Variants in KIF6 observed in about 807,000 individuals in gnomAD.
KIF6 encodes the protein kinesin-like protein KIF6.
In KIF6, 106 loss-of-function variants were observed where a neutral mutation model predicts 112.7. The ratio of observed to expected loss-of-function variants is 0.94; its 90% CI spans 0.80 to 1.11. The LOEUF (loss-of-function observed/expected upper bound fraction) is 1.11, where lower values mean the gene tolerates loss of function less well. Ranked by LOEUF, KIF6 falls within the 50% of genes least tolerant of loss-of-function variation. KIF6 has a pLI of 0.00. For missense variants in KIF6, 929 were observed against 964.0 expected (o/e 0.96, Z 0.48); for synonymous variants, 339 against 339.9 (o/e 1.00, Z 0.03).
At chr6:39,556,581 G>A (rs1176342317) in intron 10 of KIF6, among the ~76,000 whole-genome samples, 5 of 152,152 alleles carry the variant, frequency 3.3e-5, no homozygotes, top group African/African-American at 1.2e-4. Flanking sequence ...CAGCCCCTCT[G>A]ACCAGAACAG....
At chr6:39,548,267 G>C (rs1400588574) in intron 10 of KIF6, among the ~76,000 whole-genome samples, 2 of 152,210 alleles carry the variant, frequency 1.3e-5, no homozygotes, top group Admixed American at 1.3e-4. Flanking sequence ...CAAGCCTGCT[G>C]ATGAGCTGGA....
intron 10 of KIF6, among the ~76,000 whole-genome samples, chr6:39,575,314 A>T (rs1211014773): frequency 6.7e-6 from 1 of 149,278 alleles, no homozygotes; most frequent in Admixed American, 6.7e-5. Context: ...TCTGTTGCCC[A>T]GGCCGGAGTG....
At chr6:39,674,344 A>G (rs1409221300) in intron 3 of KIF6, among the ~76,000 whole-genome samples, 1 of 152,228 alleles carries the variant, frequency 6.6e-6, no homozygotes, top group East Asian at 1.9e-4. Flanking sequence ...TCAGTCGTGT[A>G]GAAGTTGATC....
intron 13 of KIF6, among the ~76,000 whole-genome samples, chr6:39,507,765 G>A (rs1282090148): frequency 2.8e-5 from 4 of 141,860 alleles, no homozygotes; most frequent in South Asian, 4.7e-4. Context: ...CTGGGTGTAC[G>A]TAACCTGGGG....
At chr6:39,367,529 T>C (rs1215165510) in intron 16 of KIF6, among the ~76,000 whole-genome samples, 3 of 152,190 alleles carry the variant, frequency 2.0e-5, no homozygotes, top group Non-Finnish European at 4.4e-5. Flanking sequence ...TAGGTCTGAA[T>C]GGCACACAGG....
At chr6:39,381,432 A>G (rs1308535159) in intron 16 of KIF6, among the ~76,000 whole-genome samples, 1 of 152,238 alleles carries the variant, frequency 6.6e-6, no homozygotes, top group Non-Finnish European at 1.5e-5. Context: ...GGGGCGTACC[A>G]CTGAGTCACT....
intron 5 of KIF6, among the ~76,000 whole-genome samples, chr6:39,631,599 C>A (rs1472887812): frequency 6.6e-6 from 1 of 151,984 alleles, no homozygotes; most frequent in Non-Finnish European, 1.5e-5. Context: ...TAGAATTAAT[C>A]TCACTTGGTC....
rs1778710344 is a variant in KIF6 at position 39,540,184 on chromosome 6, T to G, written c.1464A>C (p.Lys488Asn). Residue 488 changes from lysine to asparagine, a missense_variant, in exon 13 of 23, where the codon AAA (lysine) becomes AAC (asparagine). Around this residue, in one of 2 missense-constraint regions of KIF6, gnomAD observed 688 missense variants for 662.7 expected, o/e 1.04. Coordinates refer to ENST00000287152, the MANE Select transcript of KIF6 (RefSeq NM_145027.6). The stretch of plus-strand genomic sequence containing the variant: ...CAGCCAAGTGGAGAGCCTCCTGAGC[T>G]TTCTTCTTTTCTTTTTTTAACATGT... ...LVNMLKKEKK[K>N]AQEALHLAGM... The G allele has an allele frequency of 6.2e-7, 1 of 1,611,656 alleles. No homozygotes were observed.
chr6:39,425,898 G>A, intron 14 of KIF6, among the ~76,000 whole-genome samples: 1 of 151,988 alleles, frequency 6.6e-6, no homozygotes, highest in East Asian at 1.9e-4. Flanking sequence ...GGTGCCACAC[G>A]GTTTCTCTCC....
chr6:39,398,472 T>A (rs1241237087), intron 15 of KIF6, among the ~76,000 whole-genome samples: 1 of 152,192 alleles, frequency 6.6e-6, no homozygotes, highest in Non-Finnish European at 1.5e-5. Flanking sequence ...ATTTCCAGAA[T>A]AAGGAGCAGC....
intron 16 of KIF6, among the ~76,000 whole-genome samples, chr6:39,375,648 C>T (rs1476203542): frequency 6.6e-6 from 1 of 152,114 alleles, no homozygotes; most frequent in African/African-American, 2.4e-5. Flanking sequence ...TTTTTGGCTG[C>T]CCTGGTTCCC....
At chr6:39,531,251 C>T (rs1778044053) in intron 13 of KIF6, among the ~76,000 whole-genome samples, 1 of 152,100 alleles carries the variant, frequency 6.6e-6, no homozygotes, top group Non-Finnish European at 1.5e-5. Flanking sequence ...ATTTTCTATT[C>T]AAGTAAACTT....
At chr6:39,586,759 C>T (rs1229099912) in intron 7 of KIF6, among the ~76,000 whole-genome samples, 2 of 152,058 alleles carry the variant, frequency 1.3e-5, no homozygotes, top group Non-Finnish European at 2.9e-5. Flanking sequence ...TTTAATACTA[C>T]CAAAATTGGG....
chr6:39,716,919 A>G (rs984066358), intron 2 of KIF6, among the ~76,000 whole-genome samples: 3 of 152,170 alleles, frequency 2.0e-5, no homozygotes, highest in Non-Finnish European at 4.4e-5. Context: ...TGTTTCTACT[A>G]TACTTTATGT....
chr6:39,481,742 G>A (rs1213502800), intron 13 of KIF6, among the ~76,000 whole-genome samples: 1 of 152,104 alleles, frequency 6.6e-6, no homozygotes, highest in Non-Finnish European at 1.5e-5. Context: ...ATCAGGGTGG[G>A]TTCATCATTG....
At chr6:39,589,506 G>A (rs781517119) in intron 7 of KIF6, among the ~76,000 whole-genome samples, 55 of 152,278 alleles carry the variant, frequency 3.6e-4, no homozygotes, top group Non-Finnish European at 2.6e-4. Flanking sequence ...GTCTCCCTCA[G>A]TTCTCGTGGC....
chr6:39,559,195 A>T (rs1313751613), intron 10 of KIF6, among the ~76,000 whole-genome samples: 1 of 152,168 alleles, frequency 6.6e-6, no homozygotes, highest in African/African-American at 2.4e-5. Context: ...AGTTTAGGTT[A>T]TTGCTTTATA....
At chr6:39,630,318 A>G (rs1411703309) in intron 5 of KIF6, among the ~76,000 whole-genome samples, 1 of 152,122 alleles carries the variant, frequency 6.6e-6, no homozygotes, top group Non-Finnish European at 1.5e-5. Flanking sequence ...CTTCTTATCC[A>G]TGAACATGGA....
At chr6:39,682,372 C>T (rs2466404) in intron 3 of KIF6, among the ~76,000 whole-genome samples, 49,340 of 152,032 alleles carry the variant, frequency 0.32, 9,286 homozygotes, top group Non-Finnish European at 0.4. Context: ...GTACTGAATA[C>T]AGTAGGCAAC....
Sources: gnomAD v4.1 joint callset for allele counts (sites outside exome capture counted in the v4.1 genomes callset) on GRCh38, gnomAD v4.1.1 for gene constraint, gnomAD v4.1.1 regional missense constraint, MANE v1.5 for transcripts, NCBI Gene and HGNC (gene_info 2026-07-23, HGNC 2026-07-21) for gene names.